The following MBP variants were observed in gnomAD, a reference collection of about 807,000 sequenced individuals.
MBP encodes myelin basic protein.
MBP carries 16 observed loss-of-function variants against 35.8 expected under a neutral mutation model. The ratio of observed to expected loss-of-function variants is 0.45; its 90% CI spans 0.30 to 0.68. The LOEUF (loss-of-function observed/expected upper bound fraction) is 0.68, where lower values mean the gene tolerates loss of function less well. Ranked by LOEUF, MBP falls within the 30% of genes least tolerant of loss-of-function variation. The pLI, the probability that MBP is intolerant of heterozygous loss-of-function variation, is 0.08. For missense variants in MBP, 380 were observed against 404.7 expected, an observed-to-expected ratio of 0.94 and a Z score of 0.52; for synonymous variants, 143 against 159.6, an observed-to-expected ratio of 0.90 and a Z score of 0.78.
intron 4 of MBP, among the ~76,000 whole-genome samples, chr18:77,002,416 C>T (rs1219208283): frequency 6.6e-6 from 1 of 152,174 alleles, no homozygotes; most frequent in Non-Finnish European, 1.5e-5. Context: ...CAGCATCTAC[C>T]ATCCAGTGGC....
chr18:77,040,488 A>T (rs1023088887), intron 3 of MBP, among the ~76,000 whole-genome samples: 4 of 152,226 alleles, frequency 2.6e-5, no homozygotes, highest in Non-Finnish European at 5.9e-5. Context: ...TCCTAGGCCA[A>T]AAGAACAAAG....
chr18:77,081,937 T>C (rs376223535), intron 2 of MBP, among the ~76,000 whole-genome samples: 55 of 151,918 alleles, frequency 3.6e-4, no homozygotes, highest in Middle Eastern at 3.4e-3. Context: ...CTGCAAGCTC[T>C]GCCTCCCGGG....
intron 4 of MBP, chr18:77,014,225 T>A: frequency 4.1e-6 from 4 of 985,328 alleles, no homozygotes; most frequent in Non-Finnish European, 3.6e-6. Context: ...CAAGCATGGG[T>A]GTTGTTAGGG....
At chr18:77,074,495 G>A (rs1974578245) in intron 2 of MBP, among the ~76,000 whole-genome samples, 1 of 152,190 alleles carries the variant, frequency 6.6e-6, no homozygotes. Context: ...AGGACTATAA[G>A]CCTGTGATAT....
Position 77,017,458 on chromosome 18 carries a change from A to G in MBP, c.140-190T>C, listed in dbSNP as rs984231739. ...CAGCCTTATTGCAGCTCTGTGTTTC[A>G]GAAGGCTCTGGGAATTCCTCAGTTA... On this transcript the variant is annotated intron_variant, in intron 3 of 8. Coordinates refer to ENST00000355994, the MANE Select transcript of MBP (RefSeq NM_001025101.2). The G allele has an allele frequency of 3.0e-5, 13 of 430,642 alleles. No homozygotes were observed. In the Admixed American group the frequency reaches 5.0e-4, roughly 16 times the overall value. 26.7% of individuals were successfully genotyped at this position (430,642 alleles called of 1,614,324 possible).
intron 3 of MBP, 52 bp downstream of exon 3, chr18:77,066,246 G>A (rs1974193821): frequency 1.5e-6 from 2 of 1,341,762 alleles, no homozygotes; most frequent in Admixed American, 3.5e-5. Flanking sequence ...TGAGAGTGCA[G>A]GTGCACGCTG....
rs912071698 is a variant in MBP at position 76,989,164 on chromosome 18, C to T, written c.682-252G>A. The T allele has an allele frequency of 1.7e-5, 11 of 663,444 alleles. No individual in the cohort carries two copies. The Admixed American group carries it at 1.8e-4, about 11-fold the overall frequency. The allele number at this position is 663,444 out of a possible 1,614,324, so 41.1% of individuals were successfully genotyped here. A position where few individuals can be genotyped will look rare whatever the true frequency, so the allele number is the denominator to read the frequency against. On this transcript the variant is annotated intron_variant, in intron 5 of 8. Transcript: ENST00000355994. This position sits in a 1 kb window ranked among gnomAD's most constrained non-coding sequence, Gnocchi z 4.0. ...GATGGAAAACACCTCCCAGAGGCTC[C>T]GTAGCTGGGGAATGGGCCCATCTTG...
At chr18:77,015,754 T>G in intron 4 of MBP, 1 of 985,450 alleles carries the variant, frequency 1.0e-6, no homozygotes, top group Non-Finnish European at 1.2e-6. Context: ...AGTTGGAGAC[T>G]AAAGCAAATT....
At chr18:76,996,977 C>A (rs1970303720) in intron 4 of MBP, among the ~76,000 whole-genome samples, 1 of 152,216 alleles carries the variant, frequency 6.6e-6, no homozygotes, top group Admixed American at 6.5e-5. Flanking sequence ...AGTCTCAGGT[C>A]TCCCCTGAAA....
chr18:77,077,278 C>T (rs1306277606), intron 2 of MBP, among the ~76,000 whole-genome samples: 1 of 143,450 alleles, frequency 7.0e-6, no homozygotes, highest in Non-Finnish European at 1.5e-5. Context: ...AGGAGAATTG[C>T]TTGAACCTGG....
At chr18:77,063,255 C>T (rs558535894) in intron 3 of MBP, among the ~76,000 whole-genome samples, 6 of 152,286 alleles carry the variant, frequency 3.9e-5, no homozygotes, top group African/African-American at 1.4e-4. Context: ...GTTCTGTGTG[C>T]CCCAGGAAAG....
In MBP at chr18:77,104,810, T is replaced by C. The variant is rs185765838; in HGVS notation, c.51+401A>G. On this transcript the variant is annotated intron_variant, in intron 2 of 8. Transcript: ENST00000355994. ...TCTTTCCTCTCTGAGAGCCTCCTGA[T>C]ACTTCTAGGACCAATCACAGAATGT... Among the ~76,000 whole-genome samples the C allele has an allele frequency of 7.2e-5, 11 of 152,346 alleles. No individual in the cohort carries two copies. The East Asian group carries it at 2.1e-3, about 29-fold the overall frequency.
At chr18:77,064,763 C>A (rs1412397893) in intron 3 of MBP, among the ~76,000 whole-genome samples, 1 of 152,174 alleles carries the variant, frequency 6.6e-6, no homozygotes, top group Non-Finnish European at 1.5e-5. Context: ...GGCCAGGAAG[C>A]CTGTTTGCCT....
intron 4 of MBP, among the ~76,000 whole-genome samples, chr18:77,001,355 A>G (rs919732287): frequency 6.6e-5 from 10 of 151,820 alleles, no homozygotes; most frequent in African/African-American, 2.4e-4. Flanking sequence ...ACCTACCCAG[A>G]AGATCGGCCC....
intron 2 of MBP, among the ~76,000 whole-genome samples, chr18:77,089,945 G>C (rs1158894062): frequency 6.6e-6 from 1 of 152,156 alleles, no homozygotes; most frequent in East Asian, 1.9e-4. Context: ...CCCTGGCTGT[G>C]ACAGGATAGT....
chr18:77,010,675 A>G (rs928647733), intron 4 of MBP, among the ~76,000 whole-genome samples: 2 of 152,242 alleles, frequency 1.3e-5, no homozygotes, highest in Admixed American at 6.5e-5. Context: ...CCTCAGCAGG[A>G]GCAGGAGCTA....
rs1212997967 is a variant in MBP, at chr18:76,988,181, G to A, written c.750+314C>T. On this transcript the variant is annotated intron_variant, in intron 7 of 8. Coordinates refer to ENST00000355994, the MANE Select transcript of MBP (RefSeq NM_001025101.2). The surrounding 1 kb of genome is among the most constrained non-coding windows in gnomAD (Gnocchi z 5.2). ...GTTGGAGGAAGTTAAACATTTTCTC[G>A]GACGTGGTGTTGCTCCCTCCCTGGG... The A allele has an allele frequency of 1.5e-5, 23 of 1,543,072 alleles. No homozygotes were observed. The highest frequency in any genetic ancestry group is 1.7e-4 in the Middle Eastern group (1 of 6,014).
chr18:77,090,371 C>T lies in MBP; in HGVS notation c.51+14840G>A, dbSNP rs115940267. ...TTCACACTCACGTGTCCATACCAAA[C>T]AACACTGTTTGGATCCATGCTTTCA... On this transcript the variant is annotated intron_variant, in intron 2 of 8. Coordinates refer to ENST00000355994, the MANE Select transcript of MBP (RefSeq NM_001025101.2). Among the ~76,000 whole-genome samples, 537 of 150,722 alleles carry T rather than the reference C, an allele frequency of 3.6e-3. 3 individuals carry two copies. Among genetic ancestry groups the T allele is most frequent in the African/African-American group, 0.012 (507 of 40,658 alleles).
intron 2 of MBP, among the ~76,000 whole-genome samples, chr18:77,099,415 C>G (rs1322552755): frequency 6.6e-6 from 1 of 152,194 alleles, no homozygotes; most frequent in African/African-American, 2.4e-5. Context: ...AATTGTTAAC[C>G]ATTTCATGAA....
Sources: allele counts gnomAD v4.1 joint callset (sites outside exome capture counted in the v4.1 genomes callset), GRCh38; gene constraint gnomAD v4.1.1; non-coding constraint Gnocchi (gnomAD v3.1); transcripts MANE v1.5; gene names NCBI Gene and HGNC (gene_info 2026-07-23, HGNC 2026-07-21).